CTPS2: variants seen among roughly 807,000 people sequenced by gnomAD.
CTPS2 encodes the protein CTP synthase 2.
CTPS2 carries 19 observed loss-of-function variants against 46.8 expected under a neutral mutation model. That is an observed-to-expected ratio of 0.41 (90% CI 0.28 to 0.60). The LOEUF (loss-of-function observed/expected upper bound fraction) is 0.60, where lower values mean the gene tolerates loss of function less well. Among genes scored for constraint, CTPS2 ranks in the 20% least tolerant of loss-of-function variants. The pLI is 0.35. For synonymous variants in CTPS2, 151 were observed against 165.2 expected, an observed-to-expected ratio of 0.91 and a Z score of 0.66; for missense variants, 286 against 447.6, an observed-to-expected ratio of 0.64 and a Z score of 3.26.
At chrX:16,643,435 G>A (rs1179972761) in intron 13 of CTPS2, among the ~76,000 whole-genome samples, 2 of 110,528 alleles carry the variant, frequency 1.8e-5, no homozygotes, top group Admixed American at 9.7e-5. Flanking sequence ...TTGAATTCCT[G>A]GGCTGAAGCA....
intron 13 of CTPS2, among the ~76,000 whole-genome samples, chrX:16,656,882 TTTG>T (rs1224294364): frequency 9.0e-6 from 1 of 110,529 alleles, no homozygotes; most frequent in Non-Finnish European, 1.9e-5. Context: ...TGTTTTTTTG[TTTG>T]TTGTTGTTTT....
chrX:16,707,946 C>A (rs910227387), intron 1 of CTPS2, among the ~76,000 whole-genome samples: 1 of 111,364 alleles, frequency 9.0e-6, no homozygotes, highest in East Asian at 2.8e-4. Context: ...CACACCACTG[C>A]ATTCCAGCCT....
chrX:16,613,046 C>T (rs190179018), intron 16 of CTPS2, among the ~76,000 whole-genome samples: 1 of 111,692 alleles, frequency 9.0e-6, no homozygotes, highest in Non-Finnish European at 1.9e-5. Flanking sequence ...CCCCTCTGCT[C>T]GGGACTCTGG....
At chrX:16,641,352 C>T (rs1454834520) in intron 13 of CTPS2, among the ~76,000 whole-genome samples, 5 of 112,333 alleles carry the variant, frequency 4.5e-5, no homozygotes, top group African/African-American at 6.5e-5. Flanking sequence ...ATACCCAATA[C>T]CCAAGAAGAG....
At chrX:16,598,276 T>G (rs1929408614) in intron 17 of CTPS2, among the ~76,000 whole-genome samples, 1 of 111,266 alleles carries the variant, frequency 9.0e-6, no homozygotes, top group South Asian at 3.8e-4. Context: ...GGAGCTGGTT[T>G]TTTGAAAGGA....
Position 16,651,108 on chromosome X carries a change from A to G in CTPS2, c.1297-11865T>C, listed in dbSNP as rs768623930. ...AGTTGTCAAAGGATGAACTGAAGCT[A>G]TTGATTCAGGCTGAATTCCCCAGTT... On this transcript the variant is annotated intron_variant, in intron 13 of 18. Coordinates refer to ENST00000359276, the MANE Select transcript of CTPS2 (RefSeq NM_175859.3). The G allele has an allele frequency of 3.5e-5, 37 of 1,050,001 alleles. No homozygotes were observed. In the Admixed American group the frequency reaches 9.0e-4, roughly 25 times the overall value. The allele number at this position is 1,050,001 out of a possible 1,213,427, so 86.5% of individuals were successfully genotyped here. A position where few individuals can be genotyped will look rare whatever the true frequency, so the allele number is the denominator to read the frequency against.
intron 13 of CTPS2, among the ~76,000 whole-genome samples, chrX:16,648,652 A>C (rs1932444917): frequency 8.9e-6 from 1 of 112,466 alleles, no homozygotes; most frequent in Admixed American, 9.5e-5. Flanking sequence ...CTAAAAATAA[A>C]ATGCCTGTCT....
At chrX:16,707,834 G>A (rs558388283) in intron 1 of CTPS2, among the ~76,000 whole-genome samples, 14 of 111,053 alleles carry the variant, frequency 1.3e-4, no homozygotes, top group African/African-American at 4.6e-4. Flanking sequence ...GTAGCCGGGC[G>A]TGGTGGCGTG....
At chrX:16,666,535 A>G (rs1177218447) in intron 13 of CTPS2, among the ~76,000 whole-genome samples, 1 of 111,337 alleles carries the variant, frequency 9.0e-6, no homozygotes, top group Non-Finnish European at 1.9e-5. Context: ...GTCTCTACAA[A>G]AAAAATCAAA....
At chrX:16,670,557 G>A in intron 11 of CTPS2, 23 bp downstream of exon 11, 1 of 1,116,108 alleles carries the variant, frequency 9.0e-7, no homozygotes, top group Non-Finnish European at 1.2e-6. Context: ...CTCATAGTTA[G>A]GGTCAATAAA....
rs1363330615 is a variant in CTPS2 at position 16,596,763 on chromosome X, C to T, written c.1692-5901G>A. 8.5e-5 allele frequency among the ~76,000 whole-genome samples: 9 copies of T among 105,467 alleles called. No individual in the cohort carries two copies. In the East Asian group the frequency reaches 9.0e-4, roughly 11 times the overall value. The allele number at this position is 105,467 out of a possible 115,157, so 91.6% of individuals were successfully genotyped here. ...TTCTAGTTCTAGATCCCTGAGGAATCGCCACACTGACTTCCACAATGGTTG... is the reference window on the plus strand; with the variant it reads ...TTCTAGTTCTAGATCCCTGAGGAATTGCCACACTGACTTCCACAATGGTTG... On this transcript the variant is annotated intron_variant, in intron 17 of 18. Coordinates refer to ENST00000359276, the MANE Select transcript of CTPS2 (RefSeq NM_175859.3).
chrX:16,664,487 G>A, intron 13 of CTPS2, among the ~76,000 whole-genome samples: 1 of 111,503 alleles, frequency 9.0e-6, no homozygotes, highest in Non-Finnish European at 1.9e-5. Context: ...TCCGTGGGGT[G>A]ATCTCCAGCA....
intron 13 of CTPS2, chrX:16,654,471 G>A (rs199885083): frequency 2.5e-6 from 3 of 1,197,046 alleles, no homozygotes; most frequent in African/African-American, 3.5e-5. Flanking sequence ...AGTTAGTTTT[G>A]AAGAATTCCA....
chrX:16,609,287 A>T (rs1485148410), intron 17 of CTPS2, among the ~76,000 whole-genome samples: 2 of 111,866 alleles, frequency 1.8e-5, no homozygotes, highest in East Asian at 5.6e-4. Context: ...TCAACAAAAG[A>T]CAATCTTTTC....
chrX:16,604,923 C>G (rs1297799959), intron 17 of CTPS2, among the ~76,000 whole-genome samples: 1 of 111,869 alleles, frequency 8.9e-6, no homozygotes, highest in Non-Finnish European at 1.9e-5. Flanking sequence ...CATTATTTCC[C>G]ATTTGATTTT....
intron 1 of CTPS2, among the ~76,000 whole-genome samples, chrX:16,703,931 CTTTTT>C: frequency 1.1e-5 from 1 of 92,589 alleles, no homozygotes; most frequent in African/African-American, 3.9e-5. Flanking sequence ...TGGGCAAGTT[CTTTTT>C]TTTTTTTTTT....
rs770218036 is a variant in CTPS2 at position 16,694,724 on chromosome X, G to C, written c.439-1237C>G. Among the ~76,000 whole-genome samples the C allele has an allele frequency of 3.5e-5, 4 of 112,704 alleles. No individual in the cohort carries two copies. In the South Asian group the frequency reaches 1.4e-3, roughly 41 times the overall value. On this transcript the variant is annotated intron_variant, in intron 4 of 18. Coordinates refer to ENST00000359276, the MANE Select transcript of CTPS2 (RefSeq NM_175859.3). ...ACAGCAGAACCAAAGCCAGGGCTGGGTGCAGTGGCTCACACCTGTAATCCC... is the reference window on the plus strand; with the variant it reads ...ACAGCAGAACCAAAGCCAGGGCTGGCTGCAGTGGCTCACACCTGTAATCCC...
At chrX:16,689,706 T>C in intron 7 of CTPS2, 105 bp from the exon 8 acceptor site, 1 of 685,235 alleles carries the variant, frequency 1.5e-6, no homozygotes, top group East Asian at 3.3e-5. Context: ...TTTACACTGA[T>C]ATAACACACA....
chrX:16,701,508 G>A (rs1448935368), intron 2 of CTPS2, among the ~76,000 whole-genome samples: 4 of 110,567 alleles, frequency 3.6e-5, no homozygotes, highest in East Asian at 2.9e-4. Context: ...GCATTGAGCC[G>A]AGATCTTGGC....
Sources: allele counts gnomAD v4.1 joint callset (sites outside exome capture counted in the v4.1 genomes callset), GRCh38; gene constraint gnomAD v4.1.1; transcripts MANE v1.5; gene names NCBI Gene and HGNC (gene_info 2026-07-23, HGNC 2026-07-21).